HDAC5: variants seen among roughly 807,000 people sequenced by gnomAD.
HDAC5 encodes the protein antigen NY-CO-9.
Under a neutral mutation model 133.3 loss-of-function variants are expected in HDAC5, and 25 were observed. The ratio of observed to expected loss-of-function variants is 0.19; its 90% CI spans 0.14 to 0.26. The LOEUF (loss-of-function observed/expected upper bound fraction) is 0.26. Among genes scored for constraint, HDAC5 ranks in the 10% least tolerant of loss-of-function variants. HDAC5 has a pLI of 1.00. For missense variants in HDAC5, 1,041 were observed against 1,460.5 expected (o/e 0.71, Z 4.68); for synonymous variants, 589 against 610.8 (o/e 0.96, Z 0.53).
intron 20 of HDAC5, chr17:44,082,297 T>G: frequency 2.1e-6 from 1 of 477,620 alleles, no homozygotes; most frequent in Middle Eastern, 5.7e-4. Flanking sequence ...GCAGCGTCAC[T>G]ACCGTTCAAG....
At chr17:44,114,447 G>A (rs577015389) in intron 2 of HDAC5, among the ~76,000 whole-genome samples, 7 of 152,162 alleles carry the variant, frequency 4.6e-5, no homozygotes, top group African/African-American at 1.4e-4. Context: ...TGGGGGGGGG[G>A]GGCTGCTGCC....
intron 1 of HDAC5, among the ~76,000 whole-genome samples, chr17:44,121,364 G>A (rs924250311): frequency 6.6e-6 from 1 of 152,002 alleles, no homozygotes; most frequent in Admixed American, 6.6e-5. Flanking sequence ...GGCTACATCA[G>A]GTTTTCATTC....
intron 11 of HDAC5, among the ~76,000 whole-genome samples, chr17:44,090,711 G>A (rs1258543605): frequency 3.4e-5 from 5 of 148,270 alleles, no homozygotes; most frequent in East Asian, 2.0e-4. Flanking sequence ...TTTTTGAGAC[G>A]GAGTCTCACG....
At chr17:44,092,861 C>T (rs2051030313) in intron 6 of HDAC5, 55 bp from the exon 7 acceptor site, 1 of 735,028 alleles carries the variant, frequency 1.4e-6, no homozygotes, top group Non-Finnish European at 2.2e-6. Context: ...ACCCAGTCTG[C>T]TGGACCTGCC....
intron 21 of HDAC5, 77 bp downstream of exon 21, chr17:44,080,686 G>C: frequency 6.3e-7 from 1 of 1,599,448 alleles, no homozygotes; most frequent in African/African-American, 1.3e-5. Context: ...ATGGGCCTCC[G>C]TGGCTCCCCG....
chr17:44,087,144 C>G (rs1440965726), intron 13 of HDAC5, among the ~76,000 whole-genome samples: 1 of 151,634 alleles, frequency 6.6e-6, no homozygotes, highest in East Asian at 2.0e-4. Flanking sequence ...CATGCATACA[C>G]AGACACACAA....
intron 13 of HDAC5, 59 bp downstream of exon 13, chr17:44,087,353 A>AG (rs2050715299): frequency 1.4e-6 from 1 of 714,696 alleles, no homozygotes; most frequent in Non-Finnish European, 2.6e-6. Context: ...GGGCAGAGGC[A>AG]GGGGTGGAGA....
chr17:44,093,284 C>T lies in HDAC5; in HGVS notation c.526+30G>A, dbSNP rs1180196890. 4.4e-6 allele frequency: 7 copies of T among 1,580,580 alleles called. No homozygotes were observed. The East Asian group carries it at 9.0e-5, about 20-fold the overall frequency. ...CAGGGGCAGGCATCACGGGCGGGGC[C>T]CTACGAGGTCCCAGGAGGCCCTGCC... is the stretch of plus-strand genomic sequence containing the variant. On this transcript the variant is annotated intron_variant, in intron 5 of 26. Coordinates refer to ENST00000682912, the MANE Select transcript of HDAC5 (RefSeq NM_005474.5).
Position 44,084,584 on chromosome 17 carries a change from C to A in HDAC5, c.2276G>T (p.Arg759Leu). 1 of 1,614,124 alleles carries A rather than the reference C, an allele frequency of 6.2e-7. No homozygotes were observed. The highest frequency in any genetic ancestry group is 1.7e-4 in the Middle Eastern group (1 of 6,060). Reference sequence around the variant, plus strand: ...CAACTTCTTGCTGTCTAGCTTCTGCCGGTTGAGGGGACTGGTCCCATAGAG... The same window carrying A: ...CAACTTCTTGCTGTCTAGCTTCTGCAGGTTGAGGGGACTGGTCCCATAGAG... The part of the protein sequence containing the change: ...TLLYGTSPLN[R>L]QKLDSKKLLG... The change falls in exon 16 of 27, where the codon CGG (arginine) becomes CTG (leucine). Residue 759 changes from arginine (R) to leucine (L), a missense_variant. Coordinates refer to ENST00000682912, the MANE Select transcript of HDAC5 (RefSeq NM_005474.5).
intron 23 of HDAC5, 28 bp from the exon 24 acceptor site, chr17:44,079,305 A>G: frequency 6.2e-7 from 1 of 1,607,256 alleles, no homozygotes; most frequent in Non-Finnish European, 8.5e-7. Context: ...GGGAGGAAGA[A>G]GAAATGGCGA....
chr17:44,121,743 G>T (rs1261472219), intron 1 of HDAC5, among the ~76,000 whole-genome samples: 1 of 151,986 alleles, frequency 6.6e-6, no homozygotes. Flanking sequence ...GGGTGGGTGG[G>T]GCATGTGAAA....
At chr17:44,096,216 T>TC (rs745691295) in intron 3 of HDAC5, among the ~76,000 whole-genome samples, 1 of 152,068 alleles carries the variant, frequency 6.6e-6, no homozygotes, top group Non-Finnish European at 1.5e-5. Context: ...GCCAACCCAT[T>TC]CCTGTTTCTC....
intron 2 of HDAC5, 87 bp from the exon 3 acceptor site, chr17:44,110,887 AG>A (rs772480104): frequency 1.7e-6 from 2 of 1,167,076 alleles, no homozygotes; most frequent in African/African-American, 3.0e-5. Flanking sequence ...CATGCCAGGG[AG>A]GGGGCCGCCA....
chr17:44,118,225 T>G (rs1057291747), intron 1 of HDAC5, among the ~76,000 whole-genome samples: 5 of 152,244 alleles, frequency 3.3e-5, no homozygotes, highest in Admixed American at 3.3e-4. Context: ...TGCTTCTGTT[T>G]TGGTCTCCCA....
intron 3 of HDAC5, among the ~76,000 whole-genome samples, chr17:44,106,532 C>G (rs987831787): frequency 6.6e-6 from 1 of 152,054 alleles, no homozygotes; most frequent in Non-Finnish European, 1.5e-5. Flanking sequence ...GCCATGCACA[C>G]TGGCATGAGG....
At chr17:44,119,577 C>T (rs1385569376) in intron 1 of HDAC5, among the ~76,000 whole-genome samples, 2 of 152,208 alleles carry the variant, frequency 1.3e-5, no homozygotes, top group South Asian at 2.1e-4. Flanking sequence ...TACTCCTCCC[C>T]GTCCTATAAA....
At chr17:44,103,802 A>C (rs2051767559) in intron 3 of HDAC5, among the ~76,000 whole-genome samples, 1 of 150,186 alleles carries the variant, frequency 6.7e-6, no homozygotes, top group African/African-American at 2.5e-5. Context: ...CCTGCCTCCC[A>C]AGTTCAAGCG....
At chr17:44,121,823 G>A (rs1465285521) in intron 1 of HDAC5, among the ~76,000 whole-genome samples, 1 of 152,148 alleles carries the variant, frequency 6.6e-6, no homozygotes, top group African/African-American at 2.4e-5. Context: ...AGGGGAGGCT[G>A]GCACAGAACT....
chr17:44,107,725 A>G (rs935100666), intron 3 of HDAC5, among the ~76,000 whole-genome samples: 3 of 151,844 alleles, frequency 2.0e-5, no homozygotes, highest in Admixed American at 6.6e-5. Context: ...CCGGCACTAC[A>G]TACCTATACA....
Sources: gnomAD v4.1 joint callset for allele counts (sites outside exome capture counted in the v4.1 genomes callset) on GRCh38, gnomAD v4.1.1 for gene constraint, MANE v1.5 for transcripts, NCBI Gene and HGNC (gene_info 2026-07-23, HGNC 2026-07-21) for gene names.